Variants in NBN observed in about 807,000 individuals in gnomAD.
The protein encoded by NBN is nibrin.
In NBN, 88 loss-of-function variants were observed where a neutral mutation model predicts 90.8. The ratio of observed to expected loss-of-function variants is 0.97; its 90% CI spans 0.82 to 1.16. The LOEUF is 1.16. Among genes scored for constraint, NBN ranks in the 50% most tolerant of loss-of-function variants. The pLI is 0.00. For missense variants in NBN, 894 were observed against 869.6 expected (o/e 1.03, Z -0.35); for synonymous variants, 328 against 295.1 (o/e 1.11, Z -1.14).
At chr8:89,950,009 T>C (rs1038662844) in intron 11 of NBN, among the ~76,000 whole-genome samples, 4 of 152,236 alleles carry the variant, frequency 2.6e-5, no homozygotes, top group African/African-American at 9.6e-5. Flanking sequence ...GTTGTGATAC[T>C]GTACTGTAGT....
At chr8:89,954,793 G>A (rs568565151) in intron 10 of NBN, among the ~76,000 whole-genome samples, 2 of 152,106 alleles carry the variant, frequency 1.3e-5, no homozygotes, top group African/African-American at 4.8e-5. Context: ...GAAGCTTAAC[G>A]GGACGGCACA....
At position 89,958,795 on chromosome 8, in the gene NBN, G is replaced by A. The variant is rs1586065915; in HGVS notation, c.1054C>T (p.Leu352=). 1 of 1,614,066 alleles carries A rather than the reference G, an allele frequency of 6.2e-7. No homozygotes were observed. Among genetic ancestry groups the A allele is most frequent in the East Asian group, 2.2e-5 (1 of 44,872 alleles). The change falls in exon 9 of 16, where the codon CTA becomes TTA. Residue 352 remains leucine (L), a synonymous_variant. Transcript: ENST00000265433. ...LSQGVSVDEK[L]MPSAPVNTTT... is the part of the protein sequence containing the mutation. ...GTGTTCACTGGGGCGCTTGGCATTA[G>A]TTTTTCATCAACTGACACGCCTTGT... is the stretch of plus-strand genomic sequence containing the variant.
chr8:89,972,893 C>T (rs550929647), intron 5 of NBN, among the ~76,000 whole-genome samples: 3 of 152,204 alleles, frequency 2.0e-5, no homozygotes, highest in Non-Finnish European at 2.9e-5. Context: ...TTTCCCAAAA[C>T]ACTAAAGTTG....
intron 8 of NBN, among the ~76,000 whole-genome samples, chr8:89,962,921 T>G (rs1039601145): frequency 6.6e-6 from 1 of 152,218 alleles, no homozygotes; most frequent in African/African-American, 2.4e-5. Context: ...TACTGCAATG[T>G]GATGTCGTAA....
chr8:89,958,167 G>A (rs886911400), intron 9 of NBN, among the ~76,000 whole-genome samples: 2 of 152,124 alleles, frequency 1.3e-5, no homozygotes, highest in African/African-American at 2.4e-5. Context: ...GTGGAGCTCA[G>A]GCGGTAATGC....
At position 89,935,384 on chromosome 8, in the gene NBN, A is replaced by G; in HGVS notation, c.*198T>C. 1 of 589,174 alleles carries G rather than the reference A, an allele frequency of 1.7e-6. No individual in the cohort carries two copies. The highest frequency in any genetic ancestry group is 1.9e-5 in the African/African-American group (1 of 53,526). 36.5% of individuals were successfully genotyped at this position (589,174 alleles called of 1,614,324 possible). A position where few individuals can be genotyped will look rare whatever the true frequency, so the allele number is the denominator to read the frequency against. On this transcript the variant is annotated 3_prime_UTR_variant, in exon 16 of 16. Transcript: ENST00000265433. The stretch of plus-strand genomic sequence containing the variant: ...CATTTAAAAATGAAAAAAAGATGCA[A>G]TGACAAAGCCTGAAAACAGAACAAA...
rs1554568276 is a variant in NBN, at chr8:89,981,389, A to G, written c.306T>C (p.Phe102=). Residue 102 remains phenylalanine (F), a synonymous_variant, in exon 3 of 16, where the codon TTT becomes TTC. Transcript: ENST00000265433. ...KSGDGITFGV[F]GSKFRIEYEP... The stretch of plus-strand genomic sequence containing the variant: ...AAATGTCTTACCTGAATTTACTTCC[A>G]AACACTCCAAAAGTAATACCATCCC... 1.9e-6 allele frequency: 3 copies of G among 1,613,938 alleles called. No individual in the cohort carries two copies. The highest frequency in any genetic ancestry group is 1.3e-5 in the African/African-American group (1 of 74,932).
intron 2 of NBN, chr8:89,982,035 T>C (rs1812096838): frequency 2.1e-6 from 2 of 949,540 alleles, no homozygotes; most frequent in African/African-American, 1.8e-5. Context: ...TAAATAAAAC[T>C]GAAGAAATTC....
At chr8:89,936,140 C>T (rs1034283976) in intron 15 of NBN, 14 of 333,112 alleles carry the variant, frequency 4.2e-5, no homozygotes, top group South Asian at 1.3e-4. Flanking sequence ...TGCAGTGGCG[C>T]GATCTTGGCT....
intron 7 of NBN, among the ~76,000 whole-genome samples, chr8:89,966,878 A>C (rs901664520): frequency 9.9e-5 from 15 of 152,248 alleles, no homozygotes; most frequent in African/African-American, 3.1e-4. Context: ...AGTGCATGTA[A>C]CTTTGGTATA....
chr8:89,938,476 G>A (rs1307325942), intron 14 of NBN, among the ~76,000 whole-genome samples: 6 of 151,824 alleles, frequency 4.0e-5, no homozygotes, highest in African/African-American at 1.5e-4. Flanking sequence ...ATGTGTGTGT[G>A]TGTATATATA....
Position 89,955,337 on chromosome 8 carries a change from T to A in NBN, c.1343A>T (p.Gln448Leu), listed in dbSNP as rs146403088. The change falls in exon 10 of 16, where the codon CAG becomes CTG. Residue 448 changes from glutamine (Q) to leucine (L), a missense_variant. Transcript: ENST00000265433. Reference protein sequence around the residue: ...SINKSKDRASQQQQTNSIRNY... With the variant: ...SINKSKDRASLQQQTNSIRNY... ...TCTGATGGAGTTGGTCTGCTGCTGC[T>A]GAGAAGCCCTATCTTTACTTTTATT... 2.4e-5 allele frequency: 38 copies of A among 1,613,890 alleles called. No homozygotes were observed. In the African/African-American group the frequency reaches 4.9e-4, roughly 21 times the overall value.
chr8:89,971,217 G>C lies in NBN; in HGVS notation c.658C>G (p.Gln220Glu), dbSNP rs876659811. 1 of 1,612,244 alleles carries C rather than the reference G, an allele frequency of 6.2e-7. No individual in the cohort carries two copies. Among genetic ancestry groups the C allele is most frequent in the Non-Finnish European group, 8.5e-7 (1 of 1,178,748 alleles). Reference sequence around the variant, plus strand: ...ATAAATGTTTTCCCTTTGAAGATTTGTTTTCTTTCCTGCCGTCCTGACAGA... The same window carrying C: ...ATAAATGTTTTCCCTTTGAAGATTTCTTTTCTTTCCTGCCGTCCTGACAGA... The part of the protein sequence containing the change: ...VDLSGRQERK[Q>E]IFKGKTFIFL... Residue 220 changes from glutamine to glutamate, a missense_variant, in exon 6 of 16, where the codon CAA (glutamine) becomes GAA (glutamate). Transcript: ENST00000265433.
intron 5 of NBN, among the ~76,000 whole-genome samples, chr8:89,972,304 T>C (rs1434033819): frequency 6.6e-6 from 1 of 152,256 alleles, no homozygotes; most frequent in Non-Finnish European, 1.5e-5. Context: ...TTTTGATAAC[T>C]GATGCATGTA....
rs377338710 is a variant in NBN, at chr8:89,948,690, T to A, written c.1846-798A>T. Among the ~76,000 whole-genome samples the A allele has an allele frequency of 5.9e-5, 9 of 152,368 alleles. No homozygotes were observed. The East Asian group carries it at 1.3e-3, about 23-fold the overall frequency. On this transcript the variant is annotated intron_variant, in intron 11 of 15. Coordinates refer to ENST00000265433, the MANE Select transcript of NBN (RefSeq NM_002485.5). Reference sequence around the variant, plus strand: ...GTTGGAAACGGCAGAAAAACAAATGTACTTTGTGCTTCCCCACAGAGTAAA... The same window carrying A: ...GTTGGAAACGGCAGAAAAACAAATGAACTTTGTGCTTCCCCACAGAGTAAA...
Position 89,965,237 on chromosome 8 carries a change from T to C in NBN, c.897-730A>G, listed in dbSNP as rs182120408. Among the ~76,000 whole-genome samples, 262 of 152,184 alleles carry C rather than the reference T, an allele frequency of 1.7e-3. 3 individuals carry two copies. Among genetic ancestry groups the C allele is most frequent in the Middle Eastern group, 3.4e-3 (1 of 294 alleles). ...GAGAGAGAGGAAGGACGGAGAGAAG[T>C]AGACAGAACTATACCTAAGGTATAT... On this transcript the variant is annotated intron_variant, in intron 7 of 15. Transcript: ENST00000265433.
At chr8:89,978,370 T>A in intron 4 of NBN, 47 bp from the exon 5 acceptor site, 1 of 1,510,356 alleles carries the variant, frequency 6.6e-7, no homozygotes, top group Non-Finnish European at 9.2e-7. Flanking sequence ...ATGCTAGCAT[T>A]TTTTAAAGAA....
chr8:89,953,871 T>A (rs1380664968), intron 10 of NBN, among the ~76,000 whole-genome samples, 180 bp from the exon 11 acceptor site: 2 of 152,152 alleles, frequency 1.3e-5, no homozygotes, highest in Non-Finnish European at 2.9e-5. Flanking sequence ...CTCACATACA[T>A]TCTGCTGTTT....
intron 7 of NBN, among the ~76,000 whole-genome samples, chr8:89,965,489 A>AT (rs562223469): frequency 2.0e-3 from 294 of 144,774 alleles, no homozygotes; most frequent in Admixed American, 2.3e-3. Context: ...CATTGTAAAG[A>AT]TTTTTTTTTT....
Sources: allele counts gnomAD v4.1 joint callset (sites outside exome capture counted in the v4.1 genomes callset), GRCh38; gene constraint gnomAD v4.1.1; transcripts MANE v1.5; gene names NCBI Gene and HGNC (gene_info 2026-07-23, HGNC 2026-07-21).